PARP12: variants seen among roughly 807,000 people sequenced by gnomAD.
PARP12 encodes the protein protein mono-ADP-ribosyltransferase PARP12.
Under a neutral mutation model 72.4 loss-of-function variants are expected in PARP12, and 59 were observed. The ratio of observed to expected loss-of-function variants is 0.81; its 90% CI spans 0.66 to 1.01. The LOEUF (loss-of-function observed/expected upper bound fraction) is 1.01, where lower values mean the gene tolerates loss of function less well. PARP12 is among the 50% of genes least tolerant of loss of function. The pLI, the probability that PARP12 is intolerant of heterozygous loss-of-function variation, is 0.00. For synonymous variants in PARP12, 403 were observed against 371.4 expected (o/e 1.09, Z -0.98); for missense variants, 851 against 914.0 (o/e 0.93, Z 0.89).
intron 6 of PARP12, among the ~76,000 whole-genome samples, chr7:140,039,436 GT>G (rs909937560): frequency 6.6e-6 from 1 of 152,230 alleles, no homozygotes; most frequent in African/African-American, 2.4e-5. Flanking sequence ...AAAGCAAAGA[GT>G]TTTTTTGCCC....
Position 140,035,959 on chromosome 7 carries a change from G to A in PARP12, c.1325-1628C>T, listed in dbSNP as rs1412923180. Among the ~76,000 whole-genome samples the A allele has an allele frequency of 1.7e-4, 14 of 81,952 alleles. 3 individuals carry two copies. Among genetic ancestry groups the A allele is most frequent in the African/African-American group, 7.1e-4 (7 of 9,874 alleles). The allele number at this position is 81,952 out of a possible 152,430, so 53.8% of individuals were successfully genotyped here. A position where few individuals can be genotyped will look rare whatever the true frequency, so the allele number is the denominator to read the frequency against. ...AGGAGGAGGAGGAGGAGGACGAGGA[G>A]GAGGAGGAGGACGAGGAGGAGGAGG... is the stretch of plus-strand genomic sequence containing the variant. On this transcript the variant is annotated intron_variant, in intron 7 of 11. Transcript: ENST00000263549.
intron 5 of PARP12, 86 bp downstream of exon 5, chr7:140,046,798 C>T: frequency 1.3e-6 from 1 of 778,042 alleles, no homozygotes; most frequent in Non-Finnish European, 1.7e-6. Flanking sequence ...AGGCTGCTCA[C>T]AGTGTGTGTG....
chr7:140,033,599 C>A, intron 8 of PARP12: 1 of 985,434 alleles, frequency 1.0e-6, no homozygotes, highest in Non-Finnish European at 1.2e-6. Flanking sequence ...CATCCCACCT[C>A]CCCAAGCCTA....
chr7:140,050,837 C>T (rs1053998745), intron 4 of PARP12, among the ~76,000 whole-genome samples: 1 of 152,100 alleles, frequency 6.6e-6, no homozygotes, highest in African/African-American at 2.4e-5. Context: ...CTGGACACCA[C>T]TATTAAAATA....
intron 6 of PARP12, among the ~76,000 whole-genome samples, chr7:140,041,208 A>G (rs900560718): frequency 1.3e-5 from 2 of 152,238 alleles, no homozygotes; most frequent in African/African-American, 2.4e-5. Flanking sequence ...CAATTTTCTT[A>G]TATTTGCCTA....
At position 140,062,861 on chromosome 7, in the gene PARP12, G is replaced by A. The variant is rs1365896968; in HGVS notation, c.-14C>T. On this transcript the variant is annotated 5_prime_UTR_variant, in exon 1 of 12. Transcript: ENST00000263549. ...GGCCTGGGCCATGGCCGCTGGGCCTGCTCCCGTCGGACCGCGGGTGGCGCG... is the reference window on the plus strand; with the variant it reads ...GGCCTGGGCCATGGCCGCTGGGCCTACTCCCGTCGGACCGCGGGTGGCGCG... 2 of 1,279,746 alleles carry A rather than the reference G, an allele frequency of 1.6e-6. No homozygotes were observed. Among genetic ancestry groups the A allele is most frequent in the South Asian group, 4.7e-5 (2 of 42,468 alleles). 79.3% of individuals were successfully genotyped at this position (1,279,746 alleles called of 1,614,324 possible). A position where few individuals can be genotyped will look rare whatever the true frequency, so the allele number is the denominator to read the frequency against.
intron 1 of PARP12, among the ~76,000 whole-genome samples, chr7:140,059,340 G>A (rs1386363111): frequency 6.7e-6 from 1 of 149,390 alleles, no homozygotes; most frequent in Non-Finnish European, 1.5e-5. Context: ...GGTTACATAT[G>A]TGCATGCGTG....
chr7:140,035,467 T>G (rs1816112414), intron 7 of PARP12, among the ~76,000 whole-genome samples: 1 of 152,172 alleles, frequency 6.6e-6, no homozygotes, highest in Non-Finnish European at 1.5e-5. Context: ...CACAGTAAAG[T>G]GAGGTCTTTT....
chr7:140,032,318 C>T (rs1302154256), intron 8 of PARP12, among the ~76,000 whole-genome samples: 1 of 151,808 alleles, frequency 6.6e-6, no homozygotes, highest in Non-Finnish European at 1.5e-5. Flanking sequence ...TCTGACCTAA[C>T]AGTCGACCTC....
chr7:140,041,438 A>C, intron 6 of PARP12: 1 of 479,766 alleles, frequency 2.1e-6, no homozygotes, highest in Non-Finnish European at 3.7e-6. Flanking sequence ...AACAGATGGA[A>C]GCTCTTCAAA....
In PARP12 at chr7:140,037,773, G is replaced by C. The variant is rs1021472997; in HGVS notation, c.1266C>G (p.Gly422=). The C allele has an allele frequency of 1.2e-6, 2 of 1,614,204 alleles. No homozygotes were observed. The highest frequency in any genetic ancestry group is 1.3e-5 in the African/African-American group (1 of 75,062). The stretch of plus-strand genomic sequence containing the variant: ...CCTGGAACTTCAAGGTGGCTGCCTG[G>C]CCGTCAGACCCCGGTGTACAGTAGG... ...YLAYCTPGSD[G]QAATLKFQAG... The change falls in exon 7 of 12, where the codon GGC becomes GGG. Residue 422 remains glycine, a synonymous_variant. Coordinates refer to ENST00000263549, the MANE Select transcript of PARP12 (RefSeq NM_022750.4).
chr7:140,033,218 G>A, intron 8 of PARP12: 1 of 985,354 alleles, frequency 1.0e-6, no homozygotes, highest in Non-Finnish European at 1.2e-6. Flanking sequence ...ATTTAAAAAG[G>A]AAAAAGTAAG....
chr7:140,040,036 G>A (rs1816396588), intron 6 of PARP12, among the ~76,000 whole-genome samples: 1 of 152,106 alleles, frequency 6.6e-6, no homozygotes, highest in African/African-American at 2.4e-5. Flanking sequence ...CTTTTGCATG[G>A]GTTGCCCAGA....
chr7:140,057,091 G>A lies in PARP12; in HGVS notation c.525C>T (p.Cys175=). The change falls in exon 3 of 12, where the codon TGC becomes TGT. Residue 175 remains cysteine, a synonymous_variant. Transcript: ENST00000263549. Reference sequence around the variant, plus strand: ...AATACTGGCAGATATGGAGCTTGATGCACTGCTTTTGAAAGGCACAAGAGC... The same window carrying A: ...AATACTGGCAGATATGGAGCTTGATACACTGCTTTTGAAAGGCACAAGAGC... ...PHGSCAFQKQ[C]IKLHICQYFL... is the part of the protein sequence containing the mutation. 1 of 1,614,140 alleles carries A rather than the reference G, an allele frequency of 6.2e-7. No homozygotes were observed. Among genetic ancestry groups the A allele is most frequent in the Non-Finnish European group, 8.5e-7 (1 of 1,180,036 alleles).
At chr7:140,054,500 C>G (rs1174879391) in intron 4 of PARP12, among the ~76,000 whole-genome samples, 162 bp downstream of exon 4, 1 of 152,220 alleles carries the variant, frequency 6.6e-6, no homozygotes, top group African/African-American at 2.4e-5. Context: ...TCTTCAACTC[C>G]CCAACAAAAT....
At position 140,034,253 on chromosome 7, in the gene PARP12, A is replaced by C. The variant is rs1816060910; in HGVS notation, c.1403T>G (p.Val468Gly). The change falls in exon 8 of 12, where the codon GTG (valine) becomes GGG (glycine). Residue 468 changes from valine to glycine, a missense_variant. By Grantham distance (109) the Val-to-Gly change is moderately radical. Coordinates refer to ENST00000263549, the MANE Select transcript of PARP12 (RefSeq NM_022750.4). Reference sequence around the variant, plus strand: ...AACCTACCAGGTTTGCATGGTCGTCACATCCTGGGGAGACACGTATTTGGG... The same window carrying C: ...AACCTACCAGGTTTGCATGGTCGTCCCATCCTGGGGAGACACGTATTTGGG... ...RRPKYVSPQD[V>G]TTMQTCNTKF... The C allele has an allele frequency of 1.2e-6, 2 of 1,613,208 alleles. No individual in the cohort carries two copies. The highest frequency in any genetic ancestry group is 1.7e-6 in the Non-Finnish European group (2 of 1,179,438).
chr7:140,048,443 G>A (rs1188492162), intron 4 of PARP12, among the ~76,000 whole-genome samples: 1 of 152,132 alleles, frequency 6.6e-6, no homozygotes, highest in Non-Finnish European at 1.5e-5. Context: ...TCCACACAGA[G>A]AAGTGTCATG....
intron 8 of PARP12, chr7:140,029,239 T>A (rs1369019342): frequency 2.6e-5 from 4 of 152,304 alleles, no homozygotes; most frequent in Non-Finnish European, 5.9e-5. Flanking sequence ...CTATGCATAT[T>A]GTTTACTGCA....
At chr7:140,033,893 A>T (rs1281212349) in intron 8 of PARP12, 1 of 997,288 alleles carries the variant, frequency 1.0e-6, no homozygotes, top group Non-Finnish European at 1.2e-6. Flanking sequence ...TCATTATTTC[A>T]ACATTTAAAA....
Sources: allele counts gnomAD v4.1 joint callset (sites outside exome capture counted in the v4.1 genomes callset), GRCh38; gene constraint gnomAD v4.1.1; transcripts MANE v1.5; gene names NCBI Gene and HGNC (gene_info 2026-07-23, HGNC 2026-07-21).